SWT1: variants seen among roughly 807,000 people sequenced by gnomAD.
The protein encoded by SWT1 is SWT1 RNA endoribonuclease homolog.
SWT1 carries 33 observed loss-of-function variants against 107.3 expected under a neutral mutation model. The ratio of observed to expected loss-of-function variants is 0.31; its 90% CI spans 0.23 to 0.41. SWT1 has a LOEUF of 0.41. Ranked by LOEUF, SWT1 falls within the 10% of genes least tolerant of loss-of-function variation. SWT1 has a pLI of 1.00. For synonymous variants in SWT1, 345 were observed against 348.3 expected, an observed-to-expected ratio of 0.99 and a Z score of 0.11; for missense variants, 898 against 1,028.9, an observed-to-expected ratio of 0.87 and a Z score of 1.74.
In SWT1 at chr1:185,168,409, C is replaced by A; in HGVS notation, c.224+11C>A. The A allele has an allele frequency of 7.3e-7, 1 of 1,367,604 alleles. No individual in the cohort carries two copies. The highest frequency in any genetic ancestry group is 1.4e-5 in the South Asian group (1 of 70,740). 84.7% of individuals were successfully genotyped at this position (1,367,604 alleles called of 1,614,324 possible). ...ACAAGGACTGAAAAGGTAAATTTCT[C>A]CTTTTTCTTTTTACTGTTTTGGTTT... On this transcript the variant is annotated intron_variant, in intron 4 of 18. Transcript: ENST00000367500.
At chr1:185,251,745 A>T (rs1426924094) in intron 16 of SWT1, among the ~76,000 whole-genome samples, 1 of 151,482 alleles carries the variant, frequency 6.6e-6, no homozygotes, top group African/African-American at 2.4e-5. Context: ...TTATCTATCC[A>T]ATCAGACAAT....
intron 16 of SWT1, among the ~76,000 whole-genome samples, chr1:185,254,097 A>G (rs1367323078): frequency 1.8e-5 from 2 of 113,870 alleles, no homozygotes; most frequent in Non-Finnish European, 3.4e-5. Context: ...ATTTGCGTAT[A>G]TTGAACCAGC....
chr1:185,290,202 A>G (rs1174245704), intron 18 of SWT1, among the ~76,000 whole-genome samples: 1 of 152,104 alleles, frequency 6.6e-6, no homozygotes. Flanking sequence ...ACTTGAGCCC[A>G]GGAGGTTGAG....
chr1:185,227,964 A>C (rs1274565112), intron 15 of SWT1, among the ~76,000 whole-genome samples: 1 of 151,272 alleles, frequency 6.6e-6, no homozygotes, highest in Non-Finnish European at 1.5e-5. Flanking sequence ...AGTGGCATGC[A>C]CCTGTGGTCC....
At chr1:185,207,183 T>C (rs1026814620) in intron 13 of SWT1, among the ~76,000 whole-genome samples, 2 of 152,208 alleles carry the variant, frequency 1.3e-5, no homozygotes, top group African/African-American at 4.8e-5. Context: ...TTCAGAATAG[T>C]GTGTCAAGGT....
chr1:185,248,917 G>A (rs568575674), intron 16 of SWT1, among the ~76,000 whole-genome samples: 2 of 152,120 alleles, frequency 1.3e-5, no homozygotes, highest in Admixed American at 6.5e-5. Context: ...TCATGTTCTG[G>A]TATCTATTGC....
intron 16 of SWT1, among the ~76,000 whole-genome samples, chr1:185,237,574 G>A (rs551227177): frequency 2.6e-5 from 4 of 152,242 alleles, no homozygotes; most frequent in East Asian, 3.9e-4. Context: ...GGGAGGGATA[G>A]CATTAGGAGA....
At chr1:185,210,324 A>G (rs1658687864) in intron 13 of SWT1, among the ~76,000 whole-genome samples, 1 of 152,164 alleles carries the variant, frequency 6.6e-6, no homozygotes, top group Non-Finnish European at 1.5e-5. Flanking sequence ...GGTATTGCCT[A>G]GGTTTTCTTC....
At chr1:185,219,679 T>C (rs2102520160) in intron 14 of SWT1, among the ~76,000 whole-genome samples, 1 of 152,262 alleles carries the variant, frequency 6.6e-6, no homozygotes, top group Non-Finnish European at 1.5e-5. Context: ...TTTCCTTTTT[T>C]CCTCTGCATG....
At chr1:185,253,260 A>G (rs1232014853) in intron 16 of SWT1, among the ~76,000 whole-genome samples, 1 of 150,396 alleles carries the variant, frequency 6.6e-6, no homozygotes. Flanking sequence ...TGACTTGGCA[A>G]TGCAGGCTCT....
intron 14 of SWT1, among the ~76,000 whole-genome samples, chr1:185,219,857 C>T (rs1659502633): frequency 6.6e-6 from 1 of 151,980 alleles, no homozygotes; most frequent in African/African-American, 2.4e-5. Context: ...AATTTATGGC[C>T]AGGCATGGTG....
chr1:185,189,909 C>A (rs1007648297), intron 9 of SWT1, among the ~76,000 whole-genome samples: 1 of 150,372 alleles, frequency 6.7e-6, no homozygotes, highest in Non-Finnish European at 1.5e-5. Context: ...AGTGCAGTGG[C>A]GGGATCTCAG....
intron 16 of SWT1, among the ~76,000 whole-genome samples, chr1:185,241,241 A>G (rs1661236734): frequency 6.6e-6 from 1 of 152,152 alleles, no homozygotes; most frequent in Non-Finnish European, 1.5e-5. Flanking sequence ...GACTTTTTAG[A>G]CTCTGAACTC....
intron 16 of SWT1, among the ~76,000 whole-genome samples, chr1:185,245,573 A>G (rs1295928358): frequency 6.6e-6 from 1 of 152,198 alleles, no homozygotes; most frequent in Non-Finnish European, 1.5e-5. Context: ...GTTGTTTATT[A>G]TCATTGTTAA....
At chr1:185,157,523 G>T (rs1203605543) in intron 1 of SWT1, 1 of 148,430 alleles carries the variant, frequency 6.7e-6, no homozygotes, top group Non-Finnish European at 1.5e-5. Flanking sequence ...GCTGCCCCTT[G>T]CCCGGTGTTG....
chr1:185,268,318 G>A (rs1463322909), intron 16 of SWT1, among the ~76,000 whole-genome samples: 1 of 152,150 alleles, frequency 6.6e-6, no homozygotes, highest in African/African-American at 2.4e-5. Flanking sequence ...TTTACATTTA[G>A]AACAAATTAC....
intron 10 of SWT1, among the ~76,000 whole-genome samples, chr1:185,192,582 T>C (rs1193200696): frequency 6.6e-6 from 1 of 151,830 alleles, no homozygotes; most frequent in Admixed American, 6.6e-5. Context: ...CTATACAATG[T>C]TGACAAATGG....
chr1:185,207,191 G>C lies in SWT1; in HGVS notation c.1972+428G>C, dbSNP rs77913605. Reference sequence around the variant, plus strand: ...ACTAATTTTCAGAATAGTGTGTCAAGGTTTCTATTTAAACTATATAGATAA... The same window carrying C: ...ACTAATTTTCAGAATAGTGTGTCAACGTTTCTATTTAAACTATATAGATAA... On this transcript the variant is annotated intron_variant, in intron 13 of 18. Transcript: ENST00000367500. Among the ~76,000 whole-genome samples the C allele has an allele frequency of 4.1e-3, 630 of 152,262 alleles. 7 individuals are homozygous for C. The highest frequency in any genetic ancestry group is 0.015 in the African/African-American group (604 of 41,542).
intron 16 of SWT1, chr1:185,264,126 A>C (rs1161275936): frequency 6.4e-6 from 1 of 156,638 alleles, no homozygotes; most frequent in Non-Finnish European, 1.4e-5. Flanking sequence ...TCCTGTCCAG[A>C]AAATATTTTA....
Sources: allele counts gnomAD v4.1 joint callset (sites outside exome capture counted in the v4.1 genomes callset), GRCh38; gene constraint gnomAD v4.1.1; transcripts MANE v1.5; gene names NCBI Gene and HGNC (gene_info 2026-07-23, HGNC 2026-07-21).